The following TAFA2 variants were observed in gnomAD, a reference collection of about 807,000 sequenced individuals.
TAFA2 encodes the protein TAFA chemokine like family member 2, also known as chemokine-like protein TAFA-2.
In TAFA2, 7 loss-of-function variants were observed where a neutral mutation model predicts 18.8. That is an observed-to-expected ratio of 0.37 (90% confidence interval 0.21 to 0.70). TAFA2 has a LOEUF of 0.70. TAFA2 is among the 30% of genes least tolerant of loss of function. The pLI is 0.53. For synonymous variants in TAFA2, 60 were observed against 54.2 expected (o/e 1.11, Z -0.47); for missense variants, 122 against 158.1 (o/e 0.77, Z 1.23).
At chr12:62,226,194 CT>C (rs148187631) in intron 1 of TAFA2, among the ~76,000 whole-genome samples, 33,817 of 134,160 alleles carry the variant, frequency 0.25, 3,300 homozygotes, top group African/African-American at 0.31. Flanking sequence ...CTTGATTACT[CT>C]TTTTTTTTTT....
chr12:62,227,119 A>G (rs2062790267), intron 1 of TAFA2, among the ~76,000 whole-genome samples: 1 of 151,948 alleles, frequency 6.6e-6, no homozygotes, highest in African/African-American at 2.4e-5. Context: ...TCCTCACTTT[A>G]TTTCTTGTTA....
rs569023043 is a variant in TAFA2 at position 62,125,382 on chromosome 12, G to A, written c.-2+65877C>T. ...GATCACATGCCCATGAAGCTGGCCC[G>A]GCTCTGCCCTAGTTTAGTTGAAGGT... On this transcript the variant is annotated intron_variant, in intron 1 of 4. Transcript: ENST00000416284. Among the ~76,000 whole-genome samples, 14 of 152,136 alleles carry A rather than the reference G, an allele frequency of 9.2e-5. 1 individual carries two copies. In the South Asian group the frequency reaches 2.5e-3, roughly 27 times the overall value.
chr12:61,780,069 C>T (rs985229072), intron 2 of TAFA2, among the ~76,000 whole-genome samples: 29 of 151,606 alleles, frequency 1.9e-4, no homozygotes, highest in African/African-American at 6.3e-4. Context: ...TCATTAGATG[C>T]AAATGAAAAC....
chr12:61,743,430 A>G (rs1868549675), intron 4 of TAFA2, among the ~76,000 whole-genome samples: 2 of 152,046 alleles, frequency 1.3e-5, no homozygotes, highest in Admixed American at 6.6e-5. Flanking sequence ...TTCACATGCT[A>G]TATCATCAAA....
chr12:61,783,166 G>T (rs1870579438), intron 2 of TAFA2, among the ~76,000 whole-genome samples: 1 of 151,458 alleles, frequency 6.6e-6, no homozygotes, highest in Admixed American at 6.6e-5. Flanking sequence ...ACAGCCCCAG[G>T]CAAGAAAGTT....
intron 1 of TAFA2, among the ~76,000 whole-genome samples, chr12:62,167,257 A>G (rs1443556486): frequency 6.6e-6 from 1 of 152,196 alleles, no homozygotes; most frequent in Non-Finnish European, 1.5e-5. Flanking sequence ...ACTTCTCTGA[A>G]TATGTCTTGT....
chr12:61,746,247 T>C (rs560297490), intron 4 of TAFA2, among the ~76,000 whole-genome samples: 37 of 152,086 alleles, frequency 2.4e-4, no homozygotes, highest in Non-Finnish European at 5.0e-4. Flanking sequence ...ACTCACTCCA[T>C]CCTGCCGCCC....
chr12:62,171,183 C>A (rs1453020141), intron 1 of TAFA2, among the ~76,000 whole-genome samples: 2 of 151,958 alleles, frequency 1.3e-5, no homozygotes, highest in East Asian at 3.9e-4. Flanking sequence ...TATTCTTAAT[C>A]ATCACCTCTC....
In TAFA2 at chr12:62,079,280, A is replaced by G. The variant is rs371452637; in HGVS notation, c.-2+111979T>C. Among the ~76,000 whole-genome samples the G allele has an allele frequency of 6.6e-5, 10 of 152,276 alleles. No individual in the cohort carries two copies. The East Asian group carries it at 1.7e-3, about 26-fold the overall frequency. ...CCATACATGCCTCTCTATCAAATAT[A>G]TATTTTATCAATTAATTGCAAATTA... On this transcript the variant is annotated intron_variant, in intron 1 of 4. Coordinates refer to ENST00000416284, the MANE Select transcript of TAFA2 (RefSeq NM_178539.5).
intron 1 of TAFA2, among the ~76,000 whole-genome samples, chr12:62,134,343 T>C (rs575864350): frequency 1.3e-5 from 2 of 152,022 alleles, no homozygotes; most frequent in Admixed American, 6.6e-5. Flanking sequence ...AGTGCCCTTA[T>C]AAACAGAGGA....
intron 1 of TAFA2, among the ~76,000 whole-genome samples, chr12:62,098,762 G>A (rs1384680434): frequency 5.3e-5 from 8 of 152,004 alleles, no homozygotes; most frequent in South Asian, 2.1e-4. Context: ...ATCTGATATC[G>A]AAATCCATCA....
At chr12:62,206,475 A>G (rs1345062082) in intron 1 of TAFA2, among the ~76,000 whole-genome samples, 3 of 152,176 alleles carry the variant, frequency 2.0e-5, no homozygotes, top group African/African-American at 4.8e-5. Flanking sequence ...TTATTTTACA[A>G]TTGAAATCTA....
intron 1 of TAFA2, among the ~76,000 whole-genome samples, chr12:62,032,270 G>C: frequency 6.6e-6 from 1 of 152,108 alleles, no homozygotes; most frequent in East Asian, 1.9e-4. Flanking sequence ...GTACAGGAAA[G>C]GACTTCATTT....
chr12:62,099,978 G>A (rs184401456), intron 1 of TAFA2, among the ~76,000 whole-genome samples: 1 of 152,132 alleles, frequency 6.6e-6, no homozygotes, highest in Non-Finnish European at 1.5e-5. Flanking sequence ...TTCTTTTAAA[G>A]TAGAAAATAT....
chr12:61,958,526 A>G (rs1176269331), intron 1 of TAFA2, among the ~76,000 whole-genome samples: 1 of 151,928 alleles, frequency 6.6e-6, no homozygotes, highest in Non-Finnish European at 1.5e-5. Flanking sequence ...AGTATTTATA[A>G]AGTTATATCT....
At chr12:61,966,694 G>A (rs1209414315) in intron 1 of TAFA2, among the ~76,000 whole-genome samples, 1 of 151,798 alleles carries the variant, frequency 6.6e-6, no homozygotes, top group African/African-American at 2.4e-5. Context: ...AATTGAAAAA[G>A]GGCTGAGCTC....
Position 61,881,952 on chromosome 12 carries a change from C to CA in TAFA2, c.-1-14527dup, listed in dbSNP as rs567636310. Among the ~76,000 whole-genome samples the CA allele has an allele frequency of 1.0e-3, 154 of 148,330 alleles. 2 individuals carry two copies. In the Middle Eastern group the frequency reaches 0.014, roughly 14 times the overall value. On this transcript the variant is annotated intron_variant, in intron 1 of 4. Coordinates refer to ENST00000416284, the MANE Select transcript of TAFA2 (RefSeq NM_178539.5). ...AAAGCAAGAAGGGAACATATGAATA[C>CA]AAAAAAAAAATCTTGGTTATCTTCT... is the stretch of plus-strand genomic sequence containing the variant.
At chr12:61,874,134 A>G (rs766047217) in intron 1 of TAFA2, among the ~76,000 whole-genome samples, 32 of 152,280 alleles carry the variant, frequency 2.1e-4, no homozygotes, top group Non-Finnish European at 4.6e-4. Context: ...GTGTGTCAGA[A>G]CTTTCCTATT....
intron 1 of TAFA2, chr12:62,234,807 G>C: frequency 9.8e-7 from 1 of 1,018,266 alleles, no homozygotes; most frequent in Non-Finnish European, 1.6e-6. Flanking sequence ...GAATGGGCCT[G>C]CTTGGGAGTC....
Sources: gnomAD v4.1 joint callset for allele counts (sites outside exome capture counted in the v4.1 genomes callset) on GRCh38, gnomAD v4.1.1 for gene constraint, MANE v1.5 for transcripts, NCBI Gene and HGNC (gene_info 2026-07-23, HGNC 2026-07-21) for gene names.